The following SLC12A1 variants were observed in gnomAD, a reference collection of about 807,000 sequenced individuals.
SLC12A1 encodes Na-K-2Cl cotransporter.
In SLC12A1, 89 loss-of-function variants were observed where a neutral mutation model predicts 130.4. The observed-to-expected ratio is 0.68, with a 90% confidence interval of 0.58 to 0.81. The LOEUF is 0.81. SLC12A1 is among the 40% of genes least tolerant of loss of function. The pLI is 0.00. For synonymous variants in SLC12A1, 499 were observed against 460.0 expected (o/e 1.08, Z -1.09); for missense variants, 1,310 against 1,336.4 (o/e 0.98, Z 0.31).
At chr15:48,242,720 T>C (rs1276123589) in intron 10 of SLC12A1, among the ~76,000 whole-genome samples, 1 of 152,150 alleles carries the variant, frequency 6.6e-6, no homozygotes, top group Admixed American at 6.5e-5. Flanking sequence ...GAGGATTGCT[T>C]AAGCCTGGAA....
Position 48,255,862 on chromosome 15 carries a change from A to C in SLC12A1, c.1994A>C (p.Asp665Ala). ...GCTCTTTCCTACGTGAGTGCTTTAGACAATGCTCTGGAATTAACCACAGTG... is the reference window on the plus strand; with the variant it reads ...GCTCTTTCCTACGTGAGTGCTTTAGCCAATGCTCTGGAATTAACCACAGTG... ...TQALSYVSAL[D>A]NALELTTVED... Residue 665 changes from aspartate to alanine, a missense_variant, in exon 16 of 27, where the codon GAC becomes GCC. Physicochemically the swap from Asp to Ala is moderately radical, Grantham distance 126. Transcript: ENST00000380993. The C allele has an allele frequency of 1.9e-6, 3 of 1,607,882 alleles. No individual in the cohort carries two copies. Among genetic ancestry groups the C allele is most frequent in the Non-Finnish European group, 2.5e-6 (3 of 1,177,144 alleles).
intron 2 of SLC12A1, among the ~76,000 whole-genome samples, chr15:48,208,394 C>G (rs1020584151): frequency 6.6e-6 from 1 of 152,054 alleles, no homozygotes; most frequent in African/African-American, 2.4e-5. Context: ...GACACTGCAG[C>G]TTTGAACTCC....
chr15:48,258,090 G>A (rs1193624858), intron 16 of SLC12A1, among the ~76,000 whole-genome samples: 1 of 70,512 alleles, frequency 1.4e-5, no homozygotes, highest in Admixed American at 1.3e-4. Context: ...GGCCGGGCGC[G>A]GTGGCTCACG....
chr15:48,291,631 A>G, intron 23 of SLC12A1, 147 bp from the exon 24 acceptor site: 1 of 635,630 alleles, frequency 1.6e-6, no homozygotes. Context: ...CTGTAATGAA[A>G]ATCAAACACC....
Position 48,230,403 on chromosome 15 carries a change from C to T in SLC12A1, c.875C>T (p.Ser292Leu), listed in dbSNP as rs201820156. The change falls in exon 7 of 27, where the codon TCG (serine) becomes TTG (leucine). Residue 292 changes from serine to leucine, a missense_variant. Physicochemically the swap from Ser to Leu is moderately radical, Grantham distance 145. Transcript: ENST00000380993. ...AATTTGTTTCCCCAGGAGAGTGATT[C>T]GATGATGGTGGATCCAACCAATGAC... ...TVVDLLKESD[S>L]MMVDPTNDIR... The T allele has an allele frequency of 1.6e-4, 257 of 1,608,764 alleles. No homozygotes were observed. The highest frequency in any genetic ancestry group is 3.0e-4 in the Admixed American group (18 of 59,756).
chr15:48,291,973 TG>T, intron 24 of SLC12A1, 109 bp downstream of exon 24: 1 of 702,968 alleles, frequency 1.4e-6, no homozygotes, highest in Non-Finnish European at 2.5e-6. Context: ...AGCGACTTCT[TG>T]ATAGGATCTA....
At chr15:48,294,347 C>CAAAAAA (rs1202623612) in intron 24 of SLC12A1, among the ~76,000 whole-genome samples, 3 of 46,238 alleles carry the variant, frequency 6.5e-5, no homozygotes, top group Admixed American at 2.4e-4. Flanking sequence ...GACTACATCT[C>CAAAAAA]AAAAAAAAAA....
chr15:48,250,228 T>G (rs1467727061), intron 14 of SLC12A1, among the ~76,000 whole-genome samples: 1 of 152,200 alleles, frequency 6.6e-6, no homozygotes, highest in African/African-American at 2.4e-5. Flanking sequence ...ACCTCTTCTT[T>G]GCTTTCATTG....
intron 19 of SLC12A1, among the ~76,000 whole-genome samples, chr15:48,273,554 C>T (rs1472656368): frequency 6.6e-6 from 1 of 152,126 alleles, no homozygotes; most frequent in Non-Finnish European, 1.5e-5. Flanking sequence ...TTTTGTGGAG[C>T]ACATTGTCTA....
At chr15:48,270,813 T>C (rs1167220745) in intron 19 of SLC12A1, among the ~76,000 whole-genome samples, 1 of 131,068 alleles carries the variant, frequency 7.6e-6, no homozygotes, top group Non-Finnish European at 1.6e-5. Flanking sequence ...ATACTTGGAG[T>C]ATATAATATG....
intron 23 of SLC12A1, among the ~76,000 whole-genome samples, chr15:48,290,057 G>T (rs189084420): frequency 1.3e-5 from 2 of 152,054 alleles, no homozygotes; most frequent in Non-Finnish European, 2.9e-5. Context: ...AGCTTAAAAC[G>T]TATTGTACAG....
chr15:48,302,792 G>T lies in SLC12A1; in HGVS notation c.3207G>T (p.Leu1069Phe), dbSNP rs755737521. 112 of 1,613,462 alleles carry T rather than the reference G, an allele frequency of 6.9e-5. No homozygotes were observed. In the East Asian group the frequency reaches 2.5e-3, roughly 35 times the overall value. Residue 1069 changes from leucine to phenylalanine, a missense_variant, in exon 27 of 27, where the codon TTG becomes TTT. Physicochemically the swap from Leu to Phe is conservative, Grantham distance 22. Transcript: ENST00000380993. ...VARKGSISDL[L>F]YMAWLEILTK... ...GAAAGGGATCCATATCGGATTTGTT[G>T]TATATGGCTTGGTTGGAAATCCTCA...
At chr15:48,255,436 C>CAA (rs373793834) in intron 15 of SLC12A1, among the ~76,000 whole-genome samples, 3,083 of 89,250 alleles carry the variant, frequency 0.035, 61 homozygotes, top group African/African-American at 0.051. Flanking sequence ...AACTCCATCT[C>CAA]AAAAAAAAAA....
intron 19 of SLC12A1, among the ~76,000 whole-genome samples, chr15:48,273,368 T>C (rs2041918624): frequency 6.6e-6 from 1 of 152,176 alleles, no homozygotes. Flanking sequence ...TTTTAAGTAC[T>C]CTTGTGATTA....
intron 6 of SLC12A1, among the ~76,000 whole-genome samples, chr15:48,230,029 T>C (rs111263771): frequency 3.3e-5 from 5 of 152,330 alleles, no homozygotes; most frequent in African/African-American, 9.6e-5. Context: ...AGGATTTACA[T>C]TGTAAACCAT....
chr15:48,215,654 C>G (rs939567628), intron 2 of SLC12A1, among the ~76,000 whole-genome samples: 1 of 152,184 alleles, frequency 6.6e-6, no homozygotes, highest in Non-Finnish European at 1.5e-5. Flanking sequence ...ACCCTCCACC[C>G]AAAGTCATGT....
intron 11 of SLC12A1, among the ~76,000 whole-genome samples, chr15:48,246,297 T>C (rs1196176437): frequency 6.6e-6 from 1 of 152,180 alleles, no homozygotes; most frequent in Non-Finnish European, 1.5e-5. Flanking sequence ...AAATACTACT[T>C]TCTGCTGGAT....
At chr15:48,250,965 C>T (rs2041641607) in intron 14 of SLC12A1, among the ~76,000 whole-genome samples, 1 of 152,148 alleles carries the variant, frequency 6.6e-6, no homozygotes, top group Admixed American at 6.5e-5. Context: ...AACTCCCACG[C>T]ACGTGCGCAC....
chr15:48,249,218 G>A (rs1028270811), intron 13 of SLC12A1, among the ~76,000 whole-genome samples: 7 of 152,084 alleles, frequency 4.6e-5, no homozygotes, highest in Non-Finnish European at 1.0e-4. Context: ...ATCCTGCAGA[G>A]CCTACTTATT....
Sources: allele counts gnomAD v4.1 joint callset (sites outside exome capture counted in the v4.1 genomes callset), GRCh38; gene constraint gnomAD v4.1.1; transcripts MANE v1.5; gene names NCBI Gene and HGNC (gene_info 2026-07-23, HGNC 2026-07-21).